The following DIAPH2 variants were observed in gnomAD, a reference collection of about 807,000 sequenced individuals.
The protein encoded by DIAPH2 is protein diaphanous homolog 2.
A neutral mutation model predicts 92.7 loss-of-function variants in DIAPH2; 35 were observed. The observed-to-expected ratio is 0.38, with a 90% CI of 0.29 to 0.50. The LOEUF is 0.50. DIAPH2 is among the 20% of genes least tolerant of loss of function. The probability of loss-of-function intolerance (pLI) is 0.94; values close to 1 mark genes in which losing one functional copy is unlikely to be tolerated. For missense variants in DIAPH2, 701 were observed against 819.5 expected (o/e 0.86, Z 1.77); for synonymous variants, 301 against 280.4 (o/e 1.07, Z -0.73).
chrX:96,687,273 GAAGTT>G (rs369479525), intron 1 of DIAPH2, among the ~76,000 whole-genome samples: 6 of 111,611 alleles, frequency 5.4e-5, no homozygotes, highest in African/African-American at 2.0e-4. Context: ...TGGTAAAAAA[GAAGTT>G]AACTACTCAA....
intron 22 of DIAPH2, among the ~76,000 whole-genome samples, chrX:97,246,077 AT>A (rs748702486): frequency 3.2e-3 from 261 of 81,046 alleles, no homozygotes; most frequent in Middle Eastern, 0.014. Context: ...TAATTTTTGT[AT>A]TTTTTTTTTT....
intron 7 of DIAPH2, 120 bp from the exon 8 acceptor site, chrX:96,916,318 A>C: frequency 1.7e-6 from 1 of 591,503 alleles, no homozygotes; most frequent in East Asian, 4.2e-5. Flanking sequence ...TATTCATATA[A>C]TTAGGTAGAA....
At chrX:97,426,706 T>G (rs2070068769) in intron 25 of DIAPH2, among the ~76,000 whole-genome samples, 1 of 112,015 alleles carries the variant, frequency 8.9e-6, no homozygotes, top group Admixed American at 9.5e-5. Context: ...ATAGCTGATA[T>G]GCCCAGTACA....
chrX:97,274,008 T>G (rs1310955630), intron 23 of DIAPH2, among the ~76,000 whole-genome samples: 40 of 7,591 alleles, frequency 5.3e-3, no homozygotes, highest in East Asian at 0.018. Context: ...AAACTAGCGG[T>G]GTGTGTGTGT....
intron 22 of DIAPH2, among the ~76,000 whole-genome samples, chrX:97,170,513 G>T (rs905688257): frequency 8.9e-6 from 1 of 112,065 alleles, no homozygotes; most frequent in Non-Finnish European, 1.9e-5. Flanking sequence ...GACAACATGA[G>T]CCTGACAAGT....
chrX:96,937,727 C>T (rs925571867), intron 11 of DIAPH2, among the ~76,000 whole-genome samples: 2 of 111,954 alleles, frequency 1.8e-5, no homozygotes, highest in Non-Finnish European at 3.8e-5. Flanking sequence ...AATCAAGCTT[C>T]AGTGACTTAG....
chrX:96,840,911 C>A (rs949276963), intron 4 of DIAPH2, among the ~76,000 whole-genome samples: 1 of 111,920 alleles, frequency 8.9e-6, no homozygotes, highest in African/African-American at 3.2e-5. Context: ...CCGTGCCCGG[C>A]CCATTTTGAG....
chrX:97,344,996 G>T (rs777437337), intron 23 of DIAPH2, among the ~76,000 whole-genome samples: 1 of 111,964 alleles, frequency 8.9e-6, no homozygotes, highest in Non-Finnish European at 1.9e-5. Flanking sequence ...TTTATTTAGG[G>T]AAGAGAGGCT....
At chrX:96,918,692 T>A (rs2065521445) in intron 9 of DIAPH2, 75 bp downstream of exon 9, 5 of 723,498 alleles carry the variant, frequency 6.9e-6, no homozygotes, top group Non-Finnish European at 1.0e-5. Flanking sequence ...CAACTCCATT[T>A]TAGCTGGCAT....
chrX:97,419,536 C>A (rs2069985408), intron 25 of DIAPH2, among the ~76,000 whole-genome samples: 1 of 111,646 alleles, frequency 9.0e-6, no homozygotes, highest in Admixed American at 9.5e-5. Context: ...CGCCAGTAGG[C>A]TGGATTTAAT....
Position 97,447,355 on chromosome X carries a change from G to C in DIAPH2, c.3241+17610G>C, listed in dbSNP as rs72614322. 8.2e-3 allele frequency among the ~76,000 whole-genome samples: 901 copies of C among 110,417 alleles called. 33 individuals carry two copies. The highest frequency in any genetic ancestry group is 0.071 in the Admixed American group (728 of 10,311). On this transcript the variant is annotated intron_variant, in intron 26 of 26. Coordinates refer to ENST00000324765, the MANE Select transcript of DIAPH2 (RefSeq NM_006729.5). ...CATTTCTTCCTGTTTCTCTCAGCAG[G>C]GAAGTTCCAGCTTTAAGGTAGATCT... is the stretch of plus-strand genomic sequence containing the variant.
In DIAPH2 at chrX:97,301,166, A is replaced by G. The variant is rs1038902048; in HGVS notation, c.2845-46950A>G. Among the ~76,000 whole-genome samples the G allele has an allele frequency of 2.0e-3, 214 of 105,993 alleles. 2 individuals carry two copies. Among genetic ancestry groups the G allele is most frequent in the African/African-American group, 3.7e-3 (108 of 29,098 alleles). 92.0% of individuals were successfully genotyped at this position (105,993 alleles called of 115,157 possible). ...ACTCCGTCTCAAAAAAAAAAAAAAA[A>G]AAAAAGAAAATTTAAGTAATTGGAT... On this transcript the variant is annotated intron_variant, in intron 23 of 26. Transcript: ENST00000324765.
chrX:97,124,333 C>T (rs952541578), intron 21 of DIAPH2, among the ~76,000 whole-genome samples: 11 of 112,163 alleles, frequency 9.8e-5, no homozygotes, highest in East Asian at 8.4e-4. Context: ...ATAGAGGTCC[C>T]GTGAGCTTAT....
At chrX:96,911,431 TC>T (rs199749093) in intron 5 of DIAPH2, among the ~76,000 whole-genome samples, 1,928 of 111,498 alleles carry the variant, frequency 0.017, 16 homozygotes, top group Middle Eastern at 0.051. Flanking sequence ...TAGCAGTGTT[TC>T]AGCCTTCTGC....
In DIAPH2 at chrX:96,867,229, G is replaced by GT. The variant is rs772690015; in HGVS notation, c.448-14342dup. Reference sequence around the variant, plus strand: ...TTGGGTTTTTGTTTTGTTTTGTTTTGTTTTTTTTAGACGGAGTCTTGCTCT... The same window carrying GT: ...TTGGGTTTTTGTTTTGTTTTGTTTTGTTTTTTTTTAGACGGAGTCTTGCTCT... On this transcript the variant is annotated intron_variant, in intron 4 of 26. Transcript: ENST00000324765. Among the ~76,000 whole-genome samples the GT allele has an allele frequency of 4.3e-4, 48 of 110,398 alleles. No homozygotes were observed. The South Asian group carries it at 0.012, about 27-fold the overall frequency.
intron 5 of DIAPH2, among the ~76,000 whole-genome samples, chrX:96,902,414 A>G (rs919626698): frequency 7.2e-5 from 8 of 110,793 alleles, no homozygotes; most frequent in South Asian, 3.8e-4. Context: ...GTTGCTGTCT[A>G]TTTCATTTCT....
At chrX:97,346,447 T>A (rs986676822) in intron 23 of DIAPH2, among the ~76,000 whole-genome samples, 1 of 107,566 alleles carries the variant, frequency 9.3e-6, no homozygotes, top group South Asian at 4.6e-4. Context: ...TCCTCCTTTC[T>A]TGCCAGGCCA....
chrX:97,552,347 A>G (rs963116159), intron 26 of DIAPH2, among the ~76,000 whole-genome samples: 9 of 112,028 alleles, frequency 8.0e-5, no homozygotes, highest in Admixed American at 7.6e-4. Context: ...AGGAAAAAAC[A>G]GATAAACTAA....
At chrX:97,105,746 C>T (rs1295191164) in intron 20 of DIAPH2, among the ~76,000 whole-genome samples, 3 of 111,975 alleles carry the variant, frequency 2.7e-5, no homozygotes, top group Non-Finnish European at 3.8e-5. Context: ...TCTTAGTAAT[C>T]GTACTTTGTT....
Sources: gnomAD v4.1 joint callset for allele counts (sites outside exome capture counted in the v4.1 genomes callset) on GRCh38, gnomAD v4.1.1 for gene constraint, MANE v1.5 for transcripts, NCBI Gene and HGNC (gene_info 2026-07-23, HGNC 2026-07-21) for gene names.